The following RYR2 variants were observed in gnomAD, a reference collection of about 807,000 sequenced individuals.
The protein encoded by RYR2 is cardiac muscle ryanodine receptor-calcium release channel.
Under a neutral mutation model 601.1 loss-of-function variants are expected in RYR2, and 227 were observed. The ratio of observed to expected loss-of-function variants is 0.38; its 90% CI spans 0.34 to 0.42. The LOEUF is 0.42. RYR2 is among the 10% of genes least tolerant of loss of function. RYR2 has a pLI of 1.00. For missense variants in RYR2, 4,646 were observed against 6,156.5 expected (o/e 0.75, Z 8.21); for synonymous variants, 2,223 against 2,175.1 (o/e 1.02, Z -0.61).
At chr1:237,101,235 G>T (rs1039447671) in intron 1 of RYR2, among the ~76,000 whole-genome samples, 1 of 149,718 alleles carries the variant, frequency 6.7e-6, no homozygotes, top group Non-Finnish European at 1.5e-5. Context: ...TGTTCTCTTA[G>T]GCTCATCCTT....
chr1:237,068,511 C>G (rs545632982), intron 1 of RYR2, among the ~76,000 whole-genome samples: 9 of 152,228 alleles, frequency 5.9e-5, no homozygotes, highest in African/African-American at 2.2e-4. Context: ...TTCTTTACTT[C>G]AGTCTGTGGT....
At chr1:237,437,563 T>C (rs7552202) in intron 12 of RYR2, among the ~76,000 whole-genome samples, 93,834 of 151,976 alleles carry the variant, frequency 0.62, 29,799 homozygotes, top group East Asian at 0.71. Context: ...ATCAGACATA[T>C]GATTCCTGCT....
At position 237,180,559 on chromosome 1, in the gene RYR2, A is replaced by AAT. The variant is rs1382120919; in HGVS notation, c.49-89929_49-89928dup. On this transcript the variant is annotated intron_variant, in intron 1 of 104. Transcript: ENST00000366574. The surrounding 1 kb of genome is among the most constrained non-coding windows in gnomAD (Gnocchi z 5.3). Reference sequence around the variant, plus strand: ...GTTGGCTCAGATTGAAAAAAACCCAAATATATATATGTGTGTGTGTGTATA... The same window carrying AAT: ...GTTGGCTCAGATTGAAAAAAACCCAAATATATATATATGTGTGTGTGTGTATA... 7.3e-5 allele frequency among the ~76,000 whole-genome samples: 11 copies of AAT among 150,176 alleles called. No homozygotes were observed. The highest frequency in any genetic ancestry group is 1.9e-4 in the East Asian group (1 of 5,136).
intron 1 of RYR2, among the ~76,000 whole-genome samples, chr1:237,129,832 G>A (rs890884241): frequency 4.6e-5 from 7 of 152,138 alleles, no homozygotes; most frequent in African/African-American, 1.7e-4. Context: ...AATAAGCCAA[G>A]CATCTGAAGA....
chr1:237,785,546 A>C (rs955788408), intron 90 of RYR2, among the ~76,000 whole-genome samples: 2 of 152,234 alleles, frequency 1.3e-5, no homozygotes, highest in Non-Finnish European at 2.9e-5. Context: ...AGAAACTAGA[A>C]AAGGGTTAAC....
chr1:237,529,760 T>TACACACACACACACACACACACAC lies in RYR2; in HGVS notation c.2823-652_2823-629dup, dbSNP rs71561882. ...TATAAAAGGTAAAACAATAATATCA[T>TACACACACACACACACACACACAC]ACACACACACACACACACACACACA... On this transcript the variant is annotated intron_variant, in intron 24 of 104. Transcript: ENST00000366574. Among the ~76,000 whole-genome samples the TACACACACACACACACACACACAC allele has an allele frequency of 5.6e-4, 76 of 134,586 alleles. 1 individual carries two copies. Among genetic ancestry groups the TACACACACACACACACACACACAC allele is most frequent in the African/African-American group, 2.0e-3 (71 of 35,780 alleles). The allele number at this position is 134,586 out of a possible 152,430, so 88.3% of individuals were successfully genotyped here. A position where few individuals can be genotyped will look rare whatever the true frequency, so the allele number is the denominator to read the frequency against.
chr1:237,730,418 G>A (rs889867958), intron 77 of RYR2, 62 bp downstream of exon 77: 30 of 875,056 alleles, frequency 3.4e-5, no homozygotes, highest in Middle Eastern at 2.2e-4. Flanking sequence ...CAATGTTGGC[G>A]TGAGCAGTCA....
intron 42 of RYR2, among the ~76,000 whole-genome samples, chr1:237,632,496 T>C (rs1558101393): frequency 6.7e-6 from 1 of 149,434 alleles, no homozygotes; most frequent in Non-Finnish European, 1.5e-5. Context: ...CCAGGTTCAC[T>C]ACATTCTCCT....
At chr1:237,580,703 TA>T (rs1673815685) in intron 29 of RYR2, among the ~76,000 whole-genome samples, 1 of 152,156 alleles carries the variant, frequency 6.6e-6, no homozygotes, top group African/African-American at 2.4e-5. Flanking sequence ...TGGCTGTATT[TA>T]GAGATGGGGC....
At chr1:237,832,216 T>TG (rs1663881434) in intron 104 of RYR2, among the ~76,000 whole-genome samples, 1 of 150,134 alleles carries the variant, frequency 6.7e-6, no homozygotes, top group African/African-American at 2.5e-5. Flanking sequence ...TTTTTGTGTT[T>TG]TTTTTTTTTT....
At chr1:237,588,434 A>G (rs1363324951) in intron 29 of RYR2, among the ~76,000 whole-genome samples, 1 of 152,182 alleles carries the variant, frequency 6.6e-6, no homozygotes, top group East Asian at 1.9e-4. Flanking sequence ...CTTAGGATCC[A>G]TTGGTTTTAT....
At chr1:237,119,414 G>GTGTGTGTGCA (rs1041498079) in intron 1 of RYR2, among the ~76,000 whole-genome samples, 2 of 152,190 alleles carry the variant, frequency 1.3e-5, no homozygotes, top group Admixed American at 1.3e-4. Context: ...AACTGCATGT[G>GTGTGTGTGCA]TGTGTGTGCA....
intron 100 of RYR2, among the ~76,000 whole-genome samples, chr1:237,817,102 A>G (rs971000419): frequency 1.9e-4 from 29 of 152,232 alleles, no homozygotes; most frequent in Admixed American, 1.7e-3. Context: ...TGGCCTTATA[A>G]TGCTCTTTAT....
intron 1 of RYR2, among the ~76,000 whole-genome samples, chr1:237,215,491 T>C (rs1177244406): frequency 6.6e-6 from 1 of 152,174 alleles, no homozygotes; most frequent in Admixed American, 6.5e-5. Context: ...CATATTTCCT[T>C]TTATTATTTC....
At chr1:237,684,934 G>GAGA (rs1686242871) in intron 62 of RYR2, among the ~76,000 whole-genome samples, 1 of 147,688 alleles carries the variant, frequency 6.8e-6, no homozygotes, top group African/African-American at 2.5e-5. Context: ...TAATTAGAGA[G>GAGA]AAAAAAAAAA....
chr1:237,506,539 AG>A lies in RYR2; in HGVS notation c.2614-167del, dbSNP rs201701068. Among the ~76,000 whole-genome samples the A allele has an allele frequency of 0.01, 1,460 of 142,366 alleles. 28 individuals carry two copies. The highest frequency in any genetic ancestry group is 0.036 in the African/African-American group (1,300 of 36,366). The allele number at this position is 142,366 out of a possible 152,430, so 93.4% of individuals were successfully genotyped here. Reference sequence around the variant, plus strand: ...GGCGACAGAGTGAGACTCCGTCTCAAGGGGAAAAAAAAAAAAAAAGAATGTC... The same window carrying A: ...GGCGACAGAGTGAGACTCCGTCTCAAGGGAAAAAAAAAAAAAAAGAATGTC... On this transcript the variant is annotated intron_variant, in intron 22 of 104. Coordinates refer to ENST00000366574, the MANE Select transcript of RYR2 (RefSeq NM_001035.3).
chr1:237,129,210 C>T (rs549039791), intron 1 of RYR2, among the ~76,000 whole-genome samples: 19 of 152,232 alleles, frequency 1.2e-4, no homozygotes, highest in African/African-American at 4.6e-4. Context: ...TGCCATTGTC[C>T]CTTTTCTATT....
chr1:237,482,589 T>C (rs998013377), intron 17 of RYR2, among the ~76,000 whole-genome samples: 1 of 152,178 alleles, frequency 6.6e-6, no homozygotes, highest in Non-Finnish European at 1.5e-5. Flanking sequence ...TGATTTTCTT[T>C]ATCCATTCAT....
At chr1:237,413,412 C>T (rs1053585458) in intron 10 of RYR2, among the ~76,000 whole-genome samples, 1 of 152,082 alleles carries the variant, frequency 6.6e-6, no homozygotes, top group Non-Finnish European at 1.5e-5. Context: ...TATAAAAGAT[C>T]ATTGTTAAAT....
Sources: allele counts gnomAD v4.1 joint callset (sites outside exome capture counted in the v4.1 genomes callset), GRCh38; gene constraint gnomAD v4.1.1; non-coding constraint Gnocchi (gnomAD v3.1); transcripts MANE v1.5; gene names NCBI Gene and HGNC (gene_info 2026-07-23, HGNC 2026-07-21).